The following SLC1A2 variants were observed in gnomAD, a reference collection of about 807,000 sequenced individuals.
SLC1A2 encodes the protein excitatory amino acid transporter 2.
A neutral mutation model predicts 48.8 loss-of-function variants in SLC1A2; 15 were observed. The ratio of observed to expected loss-of-function variants is 0.31; its 90% CI spans 0.21 to 0.47. The LOEUF is 0.47. SLC1A2 is among the 20% of genes least tolerant of loss of function. The pLI is 0.99. For missense variants in SLC1A2, 502 were observed against 730.5 expected (o/e 0.69, Z 3.61); for synonymous variants, 279 against 272.6 (o/e 1.02, Z -0.23).
At position 35,252,431 on chromosome 11, in the gene SLC1A2, A is replaced by T. The variant is rs1347168593; in HGVS notation, c.*8463T>A. On this transcript the variant is annotated 3_prime_UTR_variant, in exon 11 of 11. Coordinates refer to ENST00000278379, the MANE Select transcript of SLC1A2 (RefSeq NM_004171.4). ...GATGTTCTCATTCTAAACCTACCTAAGTCTAGGTAATCAAAAGTTCCACAG... is the reference window on the plus strand; with the variant it reads ...GATGTTCTCATTCTAAACCTACCTATGTCTAGGTAATCAAAAGTTCCACAG... 6.6e-6 allele frequency: 1 copy of T among 152,168 alleles called. No individual in the cohort carries two copies. Among genetic ancestry groups the T allele is most frequent in the Non-Finnish European group, 1.5e-5 (1 of 68,034 alleles). 9.4% of individuals were successfully genotyped at this position (152,168 alleles called of 1,614,324 possible). A position where few individuals can be genotyped will look rare whatever the true frequency, so the allele number is the denominator to read the frequency against.
chr11:35,349,043 G>A (rs1853144866), intron 1 of SLC1A2, among the ~76,000 whole-genome samples: 1 of 152,124 alleles, frequency 6.6e-6, no homozygotes, highest in African/African-American at 2.4e-5. Flanking sequence ...TCAGGCAGAG[G>A]AAATACAGAG....
chr11:35,284,916 T>C (rs1850762803), intron 8 of SLC1A2, among the ~76,000 whole-genome samples: 1 of 152,202 alleles, frequency 6.6e-6, no homozygotes, highest in Non-Finnish European at 1.5e-5. Flanking sequence ...ACACTGCCTC[T>C]TAGGAGAGAT....
intron 9 of SLC1A2, among the ~76,000 whole-genome samples, chr11:35,278,210 T>G (rs113308696): frequency 6.6e-6 from 1 of 151,840 alleles, no homozygotes; most frequent in East Asian, 1.9e-4. Context: ...TGGCCTTCCT[T>G]GCAGCCCTCC....
chr11:35,384,638 A>G (rs1433325009), intron 1 of SLC1A2, among the ~76,000 whole-genome samples: 2 of 152,206 alleles, frequency 1.3e-5, no homozygotes, highest in African/African-American at 4.8e-5. Flanking sequence ...TTACCTATGC[A>G]TTTCCACTGT....
intron 4 of SLC1A2, among the ~76,000 whole-genome samples, chr11:35,311,083 T>C (rs1454478451): frequency 6.6e-6 from 1 of 152,236 alleles, no homozygotes; most frequent in Non-Finnish European, 1.5e-5. Flanking sequence ...TTTTTCATTG[T>C]TCAAACATTG....
chr11:35,417,141 T>C (rs1855634534), intron 1 of SLC1A2, among the ~76,000 whole-genome samples: 1 of 152,248 alleles, frequency 6.6e-6, no homozygotes, highest in East Asian at 1.9e-4. Flanking sequence ...TTCTCTTAAA[T>C]ATAAGTTCCT....
intron 6 of SLC1A2, among the ~76,000 whole-genome samples, chr11:35,300,981 C>T (rs2134795336): frequency 1.3e-5 from 2 of 152,278 alleles, no homozygotes; most frequent in South Asian, 4.1e-4. Flanking sequence ...GCCATGATCA[C>T]ACCACTGCAC....
At chr11:35,265,453 GT>G (rs35055326) in intron 10 of SLC1A2, 73 bp downstream of exon 10, 16,994 of 659,062 alleles carry the variant, frequency 0.026, 199 homozygotes, top group African/African-American at 0.11. Flanking sequence ...GGGCTTTACG[GT>G]TTTTTTTTTT....
chr11:35,405,384 CTT>C (rs1030508694), intron 1 of SLC1A2, among the ~76,000 whole-genome samples: 17 of 149,856 alleles, frequency 1.1e-4, no homozygotes, highest in African/African-American at 4.2e-4. Context: ...CTTCTGGTAA[CTT>C]TTCTTTTTCT....
intron 9 of SLC1A2, among the ~76,000 whole-genome samples, chr11:35,279,353 T>C (rs1303969335): frequency 1.3e-5 from 2 of 152,258 alleles, no homozygotes; most frequent in Non-Finnish European, 2.9e-5. Context: ...GTGAGTATTC[T>C]ACATGAGGAA....
chr11:35,375,894 G>A (rs971185227), intron 1 of SLC1A2, among the ~76,000 whole-genome samples: 5 of 152,122 alleles, frequency 3.3e-5, no homozygotes, highest in Non-Finnish European at 7.3e-5. Context: ...CCAATTGGTA[G>A]ACTAGGACAT....
rs138437369 is a variant in SLC1A2 at position 35,400,088 on chromosome 11, G to A, written c.17+18862C>T. Among the ~76,000 whole-genome samples the A allele has an allele frequency of 7.4e-4, 112 of 152,270 alleles. 3 individuals carry two copies. The East Asian group carries it at 0.02, about 28-fold the overall frequency. ...AGACAACTGCATTGGAGAATCTCCT[G>A]CCCCTTCAGACACTGGCTAATTGGC... is the stretch of plus-strand genomic sequence containing the variant. On this transcript the variant is annotated intron_variant, in intron 1 of 10. Transcript: ENST00000278379.
rs188662666 is a variant in SLC1A2 at position 35,356,116 on chromosome 11, G to C, written c.18-38600C>G. Among the ~76,000 whole-genome samples the C allele has an allele frequency of 2.2e-4, 33 of 152,266 alleles. No individual in the cohort carries two copies. The East Asian group carries it at 5.4e-3, about 25-fold the overall frequency. On this transcript the variant is annotated intron_variant, in intron 1 of 10. Coordinates refer to ENST00000278379, the MANE Select transcript of SLC1A2 (RefSeq NM_004171.4). ...TTCTGAGCAGGTTGTAGGATGTCTAGCAGTAATGATTCTAAAGATTCTATA... is the reference window on the plus strand; with the variant it reads ...TTCTGAGCAGGTTGTAGGATGTCTACCAGTAATGATTCTAAAGATTCTATA...
chr11:35,420,007 T>G, upstream of SLC1A2: 1 of 457,382 alleles, frequency 2.2e-6, no homozygotes, highest in South Asian at 1.6e-5. Flanking sequence ...TGGTGCAGCC[T>G]AAACGCGGCC....
intron 1 of SLC1A2, among the ~76,000 whole-genome samples, chr11:35,328,620 A>G (rs1852324077): frequency 6.6e-6 from 1 of 152,218 alleles, no homozygotes; most frequent in African/African-American, 2.4e-5. Context: ...CTCTCCCTCC[A>G]GCCCGAGAAA....
chr11:35,275,728 T>C (rs747409380), intron 9 of SLC1A2, among the ~76,000 whole-genome samples: 13 of 152,222 alleles, frequency 8.5e-5, no homozygotes, highest in Non-Finnish European at 1.5e-4. Flanking sequence ...TGGTTTTAAA[T>C]TGAAAAATTG....
intron 2 of SLC1A2, chr11:35,316,355 A>C (rs1217138039): frequency 1.3e-5 from 2 of 152,244 alleles, no homozygotes; most frequent in East Asian, 3.8e-4. Context: ...GGAAGGAGTA[A>C]TGTGGCTGAA....
At chr11:35,333,239 C>G (rs772783386) in intron 1 of SLC1A2, among the ~76,000 whole-genome samples, 7 of 151,916 alleles carry the variant, frequency 4.6e-5, no homozygotes, top group Non-Finnish European at 1.0e-4. Context: ...ATGGTGAAAC[C>G]CCATCTCTAC....
intron 1 of SLC1A2, among the ~76,000 whole-genome samples, chr11:35,375,486 G>A (rs536205104): frequency 7.4e-4 from 112 of 151,976 alleles, no homozygotes; most frequent in African/African-American, 2.5e-3. Flanking sequence ...TAGATCTCAC[G>A]ACTGCAGGTG....
Sources: allele counts gnomAD v4.1 joint callset (sites outside exome capture counted in the v4.1 genomes callset), GRCh38; gene constraint gnomAD v4.1.1; transcripts MANE v1.5; gene names NCBI Gene and HGNC (gene_info 2026-07-23, HGNC 2026-07-21).